C2orf72: variants seen among roughly 807,000 people sequenced by gnomAD.
C2orf72 encodes uncharacterized protein C2orf72.
A neutral mutation model predicts 14.4 loss-of-function variants in C2orf72; 16 were observed. That is an observed-to-expected ratio of 1.11 (90% confidence interval 0.75 to 1.69). C2orf72 has a LOEUF of 1.69. Ranked by LOEUF, C2orf72 falls within the 40% of genes most tolerant of loss-of-function variation. The pLI, the probability that C2orf72 is intolerant of heterozygous loss-of-function variation, is 0.00. For synonymous variants in C2orf72, 168 were observed against 176.8 expected (o/e 0.95, Z 0.40); for missense variants, 371 against 358.3 (o/e 1.04, Z -0.29).
chr2:231,040,055 T>C (rs1693319301), intron 1 of C2orf72, among the ~76,000 whole-genome samples: 1 of 152,126 alleles, frequency 6.6e-6, no homozygotes, highest in Non-Finnish European at 1.5e-5. Context: ...TCCTAAGCTT[T>C]TTGTAGACAC....
chr2:231,042,093 G>T (rs191809112), intron 2 of C2orf72, among the ~76,000 whole-genome samples: 3 of 152,232 alleles, frequency 2.0e-5, no homozygotes, highest in Admixed American at 6.5e-5. Context: ...TCCCAGGAGG[G>T]ATAACAGGCG....
At chr2:231,041,164 CTG>C (rs1559209117) in intron 1 of C2orf72, 130 bp from the exon 2 acceptor site, 2 of 617,286 alleles carry the variant, frequency 3.2e-6, no homozygotes, top group African/African-American at 3.8e-5. Flanking sequence ...AAATCAGACT[CTG>C]TGTTTTTAAT....
Position 231,037,909 on chromosome 2 carries a change from C to T in C2orf72, c.344C>T (p.Ser115Leu). Reference protein sequence around the residue: ...PLVFVLCRASSLAAREPRRRL... With the variant: ...PLVFVLCRASLLAAREPRRRL... ...GTCTTCGTGCTGTGCCGCGCGTCGT[C>T]GCTGGCCGCCCGGGAGCCGCGGCGC... The change falls in exon 1 of 3, where the codon TCG (serine) becomes TTG (leucine). Residue 115 changes from serine to leucine, a missense_variant. Around this residue, in one of 3 missense-constraint regions of C2orf72, gnomAD observed 214 missense variants for 178.7 expected, o/e 1.20. Coordinates refer to ENST00000373640, the MANE Select transcript of C2orf72 (RefSeq NM_001144994.2). 9.8e-7 allele frequency: 1 copy of T among 1,023,936 alleles called. No homozygotes were observed. The highest frequency in any genetic ancestry group is 3.7e-5 in the South Asian group (1 of 27,204). The allele number at this position is 1,023,936 out of a possible 1,614,324, so 63.4% of individuals were successfully genotyped here.
chr2:231,040,184 C>T (rs949472317), intron 1 of C2orf72, among the ~76,000 whole-genome samples: 10 of 152,178 alleles, frequency 6.6e-5, no homozygotes, highest in African/African-American at 2.4e-4. Context: ...ACCTTCCCTG[C>T]TCCCACTTGC....
At chr2:231,042,624 G>T (rs1330280642) in intron 2 of C2orf72, among the ~76,000 whole-genome samples, 1 of 152,216 alleles carries the variant, frequency 6.6e-6, no homozygotes, top group African/African-American at 2.4e-5. Context: ...ACAATGGATG[G>T]TGGTTCAAAA....
Position 231,037,919 on chromosome 2 carries a change from C to T in C2orf72, c.354C>T (p.Ala118=), listed in dbSNP as rs1208376254. The change falls in exon 1 of 3, where the codon GCC becomes GCT. Residue 118 remains alanine (A), a synonymous_variant. Coordinates refer to ENST00000373640, the MANE Select transcript of C2orf72 (RefSeq NM_001144994.2). ...TGTGCCGCGCGTCGTCGCTGGCCGC[C>T]CGGGAGCCGCGGCGCCGCCTGCGGG... ...FVLCRASSLA[A]REPRRRLREM... The T allele has an allele frequency of 1.9e-5, 20 of 1,027,028 alleles. No homozygotes were observed. The highest frequency in any genetic ancestry group is 1.5e-4 in the Admixed American group (3 of 19,620). 63.6% of individuals were successfully genotyped at this position (1,027,028 alleles called of 1,614,324 possible).
chr2:231,041,332 T>A lies in C2orf72; in HGVS notation c.671T>A (p.Leu224Gln). The change falls in exon 2 of 3, where the codon CTG becomes CAG. Residue 224 changes from leucine (L) to glutamine (Q), a missense_variant. Physicochemically the swap from Leu to Gln is moderately radical, Grantham distance 113. Around this residue, in one of 3 missense-constraint regions of C2orf72, gnomAD observed 145 missense variants for 149.4 expected, o/e 0.97. Coordinates refer to ENST00000373640, the MANE Select transcript of C2orf72 (RefSeq NM_001144994.2). ...TGGGAGAGGCCAGGCCTCCCCGGAC[T>A]GCTAGCCTGCTTTTCCTGGGGTCCC... ...GAWERPGLPG[L>Q]LACFSWGPWS... 1 of 1,551,564 alleles carries A rather than the reference T, an allele frequency of 6.4e-7. No individual in the cohort carries two copies. Among genetic ancestry groups the A allele is most frequent in the East Asian group, 2.4e-5 (1 of 40,914 alleles).
Position 231,045,754 on chromosome 2 carries a change from G to A in C2orf72, c.749-1128G>A, listed in dbSNP as rs149127445. ...AGGATGGTCTCGATCTCCTGACCTC[G>A]TGATCTGTCCGCCTTGACCTCCCAA... On this transcript the variant is annotated intron_variant, in intron 2 of 2. Coordinates refer to ENST00000373640, the MANE Select transcript of C2orf72 (RefSeq NM_001144994.2). Among the ~76,000 whole-genome samples, 1,088 of 152,154 alleles carry A rather than the reference G, an allele frequency of 7.2e-3. 13 individuals carry two copies. The highest frequency in any genetic ancestry group is 0.025 in the African/African-American group (1,044 of 41,514).
At chr2:231,043,426 G>A (rs1693370893) in intron 2 of C2orf72, among the ~76,000 whole-genome samples, 3 of 151,652 alleles carry the variant, frequency 2.0e-5, no homozygotes, top group Admixed American at 2.0e-4. Flanking sequence ...GAAAACAAAT[G>A]TGAAACATCA....
chr2:231,044,945 T>TTATATATATA (rs58611878), intron 2 of C2orf72, among the ~76,000 whole-genome samples: 105 of 141,656 alleles, frequency 7.4e-4, no homozygotes, highest in African/African-American at 2.2e-3. Context: ...ATATATATCT[T>TTATATATATA]TATATATATA....
In C2orf72 at chr2:231,037,805, C is replaced by CG; in HGVS notation, c.244dup (p.Ala82GlyfsTer175). The CG allele has an allele frequency of 1.0e-6, 1 of 977,650 alleles. No individual in the cohort carries two copies. The allele number at this position is 977,650 out of a possible 1,614,324, so 60.6% of individuals were successfully genotyped here. ...AGGGCGCGGGGCCCGGGGCGGCGCG[C>CG]GGGGCGCAGAGGGCGGCGAGGGCGG... is the stretch of plus-strand genomic sequence containing the variant. On this transcript the variant is annotated frameshift_variant, in exon 1 of 3. Transcript: ENST00000373640. LOFTEE classifies it high-confidence loss of function.
chr2:231,039,789 C>T (rs1693316872), intron 1 of C2orf72, among the ~76,000 whole-genome samples: 1 of 151,590 alleles, frequency 6.6e-6, no homozygotes, highest in Non-Finnish European at 1.5e-5. Context: ...GTTGCCCAGG[C>T]TGGAGTGCAA....
rs1689498364 is a variant in C2orf72, at chr2:231,038,123, C to T, written c.558C>T (p.Pro186=). The T allele has an allele frequency of 1.7e-6, 2 of 1,175,884 alleles. No individual in the cohort carries two copies. Among genetic ancestry groups the T allele is most frequent in the South Asian group, 4.2e-5 (1 of 23,872 alleles). 72.8% of individuals were successfully genotyped at this position (1,175,884 alleles called of 1,614,324 possible). Residue 186 remains proline (P), a synonymous_variant, in exon 1 of 3, where the codon CCC becomes CCT. Transcript: ENST00000373640. The part of the protein sequence containing the change: ...GGPVQAAAYC[P]GLPASCLAVQ... ...CCGTGCAGGCGGCCGCCTACTGCCC[C>T]GGCCTCCCGGCCTCCTGCCTGGCCG...
At chr2:231,043,953 T>C (rs1036003161) in intron 2 of C2orf72, among the ~76,000 whole-genome samples, 1 of 152,238 alleles carries the variant, frequency 6.6e-6, no homozygotes, top group Non-Finnish European at 1.5e-5. Context: ...TACATGCCTA[T>C]GCTATGCGGC....
In C2orf72 at chr2:231,048,387, T is replaced by C. The variant is rs1481432351; in HGVS notation, c.*1366T>C. The C allele has an allele frequency of 6.6e-6, 1 of 152,270 alleles. No homozygotes were observed. Among genetic ancestry groups the C allele is most frequent in the Non-Finnish European group, 1.5e-5 (1 of 68,104 alleles). 9.4% of individuals were successfully genotyped at this position (152,270 alleles called of 1,614,324 possible). ...CCTGCAAGGTGCTGCCTAACTTTGA[T>C]TTGTTATTTCAGCTCTCTCCAGGAT... On this transcript the variant is annotated 3_prime_UTR_variant, in exon 3 of 3. Transcript: ENST00000373640.
At chr2:231,042,013 G>A (rs1167916719) in intron 2 of C2orf72, among the ~76,000 whole-genome samples, 1 of 152,110 alleles carries the variant, frequency 6.6e-6, no homozygotes, top group East Asian at 1.9e-4. Flanking sequence ...AGATTGGGGT[G>A]TGTTTAGAGA....
At chr2:231,046,550 T>C (rs774924746) in intron 2 of C2orf72, among the ~76,000 whole-genome samples, 26 of 151,962 alleles carry the variant, frequency 1.7e-4, no homozygotes, top group African/African-American at 2.4e-4. Flanking sequence ...GGCTTCAGAG[T>C]TGGTTGATTC....
rs1195388285 is a variant in C2orf72 at position 231,047,018 on chromosome 2, A to G, written c.885A>G (p.Arg295=). ...HTPAEPTGDS[R] ...CTGCTGAGCCCACCGGAGACTCAAG[A>G]TGAAGGCTGGACCCTTGCGCTGTCC... The change falls in exon 3 of 3, where the codon AGA becomes AGG. Residue 295 remains arginine (R), a synonymous_variant. Coordinates refer to ENST00000373640, the MANE Select transcript of C2orf72 (RefSeq NM_001144994.2). 1.3e-6 allele frequency: 2 copies of G among 1,551,546 alleles called. No individual in the cohort carries two copies. Among genetic ancestry groups the G allele is most frequent in the South Asian group, 1.2e-5 (1 of 84,040 alleles).
intron 2 of C2orf72, among the ~76,000 whole-genome samples, chr2:231,046,547 G>C (rs1693418131): frequency 6.6e-6 from 1 of 152,104 alleles, no homozygotes; most frequent in Non-Finnish European, 1.5e-5. Context: ...GTCGGCTTCA[G>C]AGTTGGTTGA....
Sources: gnomAD v4.1 joint callset for allele counts (sites outside exome capture counted in the v4.1 genomes callset) on GRCh38, gnomAD v4.1.1 for gene constraint, gnomAD v4.1.1 regional missense constraint, MANE v1.5 for transcripts, NCBI Gene and HGNC (gene_info 2026-07-23, HGNC 2026-07-21) for gene names.